RNF11: variants seen among roughly 807,000 people sequenced by gnomAD.
RNF11 encodes ring finger protein 11.
Under a neutral mutation model 15.8 loss-of-function variants are expected in RNF11, and 4 were observed. The observed-to-expected ratio is 0.25, with a 90% confidence interval of 0.12 to 0.58. The LOEUF is 0.58. Ranked by LOEUF, RNF11 falls within the 20% of genes least tolerant of loss-of-function variation. The pLI, the probability that RNF11 is intolerant of heterozygous loss-of-function variation, is 0.91. For missense variants in RNF11, 139 were observed against 194.4 expected (o/e 0.71, Z 1.70); for synonymous variants, 68 against 72.3 (o/e 0.94, Z 0.30).
intron 2 of RNF11, among the ~76,000 whole-genome samples, chr1:51,270,862 A>G (rs1327451643): frequency 2.0e-5 from 3 of 152,228 alleles, no homozygotes; most frequent in Non-Finnish European, 4.4e-5. Flanking sequence ...CTGCTATAAT[A>G]TGTAGCTGTT....
At chr1:51,258,943 C>T (rs1019673951) in intron 1 of RNF11, among the ~76,000 whole-genome samples, 2 of 152,168 alleles carry the variant, frequency 1.3e-5, no homozygotes, top group African/African-American at 4.8e-5. Flanking sequence ...CACCACTCCC[C>T]ACCCCATTTT....
chr1:51,256,324 C>T (rs1009172681), intron 1 of RNF11, among the ~76,000 whole-genome samples: 3 of 152,156 alleles, frequency 2.0e-5, no homozygotes, highest in African/African-American at 7.2e-5. Flanking sequence ...CAGTATGTAG[C>T]CTTTTCAGAT....
chr1:51,237,070 A>G (rs2148062794), intron 1 of RNF11, among the ~76,000 whole-genome samples, 191 bp downstream of exon 1: 1 of 152,138 alleles, frequency 6.6e-6, no homozygotes, highest in South Asian at 2.1e-4. Context: ...GCCCTCGGGC[A>G]CCGTGTGGGG....
chr1:51,264,295 T>TATAA (rs1553169450), intron 1 of RNF11, among the ~76,000 whole-genome samples: 25 of 82,844 alleles, frequency 3.0e-4, no homozygotes, highest in Non-Finnish European at 5.1e-4. Context: ...AAAATATATA[T>TATAA]ATATATATAT....
rs558047273 is a variant in RNF11 at position 51,260,242 on chromosome 1, A to C, written c.124-9714A>C. Among the ~76,000 whole-genome samples the C allele has an allele frequency of 6.9e-4, 105 of 152,348 alleles. 1 individual carries two copies. In the South Asian group the frequency reaches 0.02, roughly 29 times the overall value. ...CAGTTCATTGCTGGTATTTACAAAT[A>C]CAATTAATTTATGTGTGTTCTTTTA... is the stretch of plus-strand genomic sequence containing the variant. On this transcript the variant is annotated intron_variant, in intron 1 of 2. Coordinates refer to ENST00000242719, the MANE Select transcript of RNF11 (RefSeq NM_014372.5).
At chr1:51,238,171 C>T (rs1453958986) in intron 1 of RNF11, among the ~76,000 whole-genome samples, 1 of 152,178 alleles carries the variant, frequency 6.6e-6, no homozygotes, top group Admixed American at 6.5e-5. Flanking sequence ...CCCGGGTCAG[C>T]CAGGTGGACA....
At chr1:51,245,554 C>T (rs373043656) in intron 1 of RNF11, among the ~76,000 whole-genome samples, 1 of 152,122 alleles carries the variant, frequency 6.6e-6, no homozygotes, top group Admixed American at 6.6e-5. Context: ...TGGGTTCAAG[C>T]GATTCTCATG....
chr1:51,265,081 C>G (rs902383199), intron 1 of RNF11: 5 of 152,308 alleles, frequency 3.3e-5, no homozygotes, highest in African/African-American at 1.2e-4. Flanking sequence ...AATCCCAACA[C>G]TTTGGGAGGC....
intron 1 of RNF11, among the ~76,000 whole-genome samples, chr1:51,257,848 C>CTTTTTTT (rs201557519): frequency 1.5e-4 from 13 of 84,922 alleles, no homozygotes; most frequent in Non-Finnish European, 2.1e-4. Context: ...CTTTTCTTTT[C>CTTTTTTT]TTTTCTTTTT....
intron 1 of RNF11, among the ~76,000 whole-genome samples, chr1:51,238,877 G>A (rs1262763451): frequency 1.6e-4 from 25 of 151,826 alleles, no homozygotes; most frequent in Admixed American, 1.6e-3. Flanking sequence ...TTACAGGCGC[G>A]TGCCACCACA....
At chr1:51,247,234 T>C (rs2148066735) in intron 1 of RNF11, among the ~76,000 whole-genome samples, 1 of 151,976 alleles carries the variant, frequency 6.6e-6, no homozygotes, top group African/African-American at 2.4e-5. Context: ...AGACGGGGTT[T>C]CACCTTGTTG....
Position 51,236,681 on chromosome 1 carries a change from AGGCGGACCGC to A in RNF11, c.-73_-64del, listed in dbSNP as rs989999532. 2 of 1,584,300 alleles carry A rather than the reference AGGCGGACCGC, an allele frequency of 1.3e-6. No homozygotes were observed. Among genetic ancestry groups the A allele is most frequent in the African/African-American group, 2.7e-5 (2 of 73,736 alleles). ...TCGCCCGACCCCACCTCGCCAACCG[AGGCGGACCGC>A]GGAGTGTGCGAACGACCCCACCGCT... is the stretch of plus-strand genomic sequence containing the variant. On this transcript the variant is annotated 5_prime_UTR_variant, in exon 1 of 3. Coordinates refer to ENST00000242719, the MANE Select transcript of RNF11 (RefSeq NM_014372.5).
chr1:51,245,026 T>TTAAA (rs574245458), intron 1 of RNF11, among the ~76,000 whole-genome samples: 426 of 152,352 alleles, frequency 2.8e-3, no homozygotes, highest in Non-Finnish European at 4.4e-3. Flanking sequence ...ATTTTGATCT[T>TTAAA]TAAAAGTTTT....
chr1:51,259,034 C>T (rs967936918), intron 1 of RNF11, among the ~76,000 whole-genome samples: 3 of 152,178 alleles, frequency 2.0e-5, no homozygotes, highest in African/African-American at 7.2e-5. Context: ...TCTTGTAACA[C>T]CAGAAACTAT....
intron 1 of RNF11, among the ~76,000 whole-genome samples, chr1:51,261,688 T>C (rs566245238): frequency 7.5e-6 from 1 of 133,198 alleles, no homozygotes; most frequent in Non-Finnish European, 1.6e-5. Flanking sequence ...TGTGATAAGA[T>C]TTTTTTTTTT....
At chr1:51,237,069 C>A (rs575215180) in intron 1 of RNF11, among the ~76,000 whole-genome samples, 190 bp downstream of exon 1, 1 of 152,216 alleles carries the variant, frequency 6.6e-6, no homozygotes, top group African/African-American at 2.4e-5. Context: ...TGCCCTCGGG[C>A]ACCGTGTGGG....
intron 1 of RNF11, among the ~76,000 whole-genome samples, chr1:51,239,392 G>T (rs1319988570): frequency 6.6e-6 from 1 of 152,156 alleles, no homozygotes. Context: ...TGAAGTGAAT[G>T]ACGCAGACTA....
At chr1:51,270,469 C>G (rs541483937) in intron 2 of RNF11, among the ~76,000 whole-genome samples, 1 of 152,190 alleles carries the variant, frequency 6.6e-6, no homozygotes, top group South Asian at 2.1e-4. Context: ...GAAAATTAGC[C>G]AGGCATGGTG....
At chr1:51,246,134 A>C (rs1327842673) in intron 1 of RNF11, among the ~76,000 whole-genome samples, 1 of 152,042 alleles carries the variant, frequency 6.6e-6, no homozygotes, top group African/African-American at 2.4e-5. Flanking sequence ...GTGTGGTGGC[A>C]CATGCCTGTA....
Sources: allele counts gnomAD v4.1 joint callset (sites outside exome capture counted in the v4.1 genomes callset), GRCh38; gene constraint gnomAD v4.1.1; transcripts MANE v1.5; gene names NCBI Gene and HGNC (gene_info 2026-07-23, HGNC 2026-07-21).